The following NUCB2 variants were observed in gnomAD, a reference collection of about 807,000 sequenced individuals.
NUCB2 encodes the protein nucleobindin-2.
In NUCB2, 48 loss-of-function variants were observed where a neutral mutation model predicts 57.9. The ratio of observed to expected loss-of-function variants is 0.83; its 90% CI spans 0.66 to 1.05. The LOEUF is 1.05. NUCB2 is among the 50% of genes least tolerant of loss of function. NUCB2 has a pLI of 0.00. For missense variants in NUCB2, 442 were observed against 476.2 expected (o/e 0.93, Z 0.67); for synonymous variants, 139 against 152.1 (o/e 0.91, Z 0.64).
rs191266132 is a variant in NUCB2, at chr11:17,279,442, C to T, written c.-156+2614C>T. 4.6e-5 allele frequency among the ~76,000 whole-genome samples: 7 copies of T among 152,226 alleles called. No homozygotes were observed. The East Asian group carries it at 1.4e-3, about 29-fold the overall frequency. On this transcript the variant is annotated intron_variant, in intron 1 of 13. Coordinates refer to ENST00000529010, the MANE Select transcript of NUCB2 (RefSeq NM_005013.4). ...AGGGCTGAATTAGATTACAGTAGTC[C>T]TCCTTTATCCTAGAGGGATATGTTC...
chr11:17,322,084 GC>G (rs1211941967), intron 11 of NUCB2, among the ~76,000 whole-genome samples: 1 of 152,078 alleles, frequency 6.6e-6, no homozygotes, highest in Non-Finnish European at 1.5e-5. Flanking sequence ...CTCTGCAGAA[GC>G]TTTTTTACTT....
chr11:17,310,844 A>C lies in NUCB2; in HGVS notation c.503A>C (p.His168Pro), dbSNP rs1221568873. The C allele has an allele frequency of 6.3e-7, 1 of 1,585,602 alleles. No individual in the cohort carries two copies. Among genetic ancestry groups the C allele is most frequent in the Non-Finnish European group, 8.5e-7 (1 of 1,172,958 alleles). ...LIKAATSDLE[H>P]YDKTRHEEFK... ...TTTCAGGCAACAAGTGATCTGGAAC[A>C]CTATGACAAGACTCGTCATGAAGAA... The change falls in exon 7 of 14, where the codon CAC becomes CCC. Residue 168 changes from histidine (H) to proline (P), a missense_variant. His to Pro is a moderately conservative substitution (Grantham distance 77). Coordinates refer to ENST00000529010, the MANE Select transcript of NUCB2 (RefSeq NM_005013.4).
At chr11:17,345,521 A>G (rs1175375569) in intron 2 of NUCB2, among the ~76,000 whole-genome samples, 1 of 152,208 alleles carries the variant, frequency 6.6e-6, no homozygotes, top group African/African-American at 2.4e-5. Context: ...AGCCTGGCCA[A>G]GATGGTGAAA....
intron 11 of NUCB2, among the ~76,000 whole-genome samples, chr11:17,323,911 G>T (rs1385595466): frequency 1.3e-5 from 2 of 152,092 alleles, no homozygotes; most frequent in Non-Finnish European, 2.9e-5. Context: ...AGTACCAGTT[G>T]TAATGTCTCC....
intron 4 of NUCB2, among the ~76,000 whole-genome samples, chr11:17,298,076 C>T (rs1420906133): frequency 2.1e-4 from 22 of 103,090 alleles, no homozygotes; most frequent in African/African-American, 7.2e-4. Flanking sequence ...AGTGAGACTT[C>T]GTCTCAAAAA....
chr11:17,327,272 G>T (rs1950806282), intron 11 of NUCB2, among the ~76,000 whole-genome samples: 1 of 152,096 alleles, frequency 6.6e-6, no homozygotes, highest in African/African-American at 2.4e-5. Context: ...CGTTGGCCAG[G>T]CTGGTCTTGA....
chr11:17,303,017 C>T (rs1024124545), intron 5 of NUCB2, among the ~76,000 whole-genome samples: 1 of 152,114 alleles, frequency 6.6e-6, no homozygotes, highest in Non-Finnish European at 1.5e-5. Context: ...GGATTACAGG[C>T]GTGAGCCACC....
intron 11 of NUCB2, among the ~76,000 whole-genome samples, chr11:17,326,502 A>G (rs1950706250): frequency 1.3e-5 from 2 of 149,504 alleles, no homozygotes; most frequent in South Asian, 4.2e-4. Context: ...TATTTTTAAT[A>G]GAGACAGGGT....
intron 5 of NUCB2, among the ~76,000 whole-genome samples, chr11:17,303,327 C>T (rs1338655792): frequency 6.6e-6 from 1 of 151,880 alleles, no homozygotes; most frequent in Non-Finnish European, 1.5e-5. Context: ...TATTATGTCT[C>T]CAAAGAATAC....
At chr11:17,279,671 C>T (rs1942125067) in intron 1 of NUCB2, among the ~76,000 whole-genome samples, 1 of 152,044 alleles carries the variant, frequency 6.6e-6, no homozygotes, top group Non-Finnish European at 1.5e-5. Flanking sequence ...GGGAGGACTA[C>T]TGTACCTCCA....
At chr11:17,305,188 G>T (rs1947420123) in intron 5 of NUCB2, among the ~76,000 whole-genome samples, 1 of 152,156 alleles carries the variant, frequency 6.6e-6, no homozygotes, top group South Asian at 2.1e-4. Flanking sequence ...GCTGGGCATG[G>T]TAGCACATGC....
intron 2 of NUCB2, among the ~76,000 whole-genome samples, chr11:17,341,512 G>C (rs2139621716): frequency 6.6e-6 from 1 of 152,208 alleles, no homozygotes; most frequent in South Asian, 2.1e-4. Context: ...TTTATTGAGA[G>C]TTTTTAGCAT....
rs374427197 is a variant in NUCB2 at position 17,311,190 on chromosome 11, C to G, written c.670-3C>G. 1 of 1,594,026 alleles carries G rather than the reference C, an allele frequency of 6.3e-7. No individual in the cohort carries two copies. The highest frequency in any genetic ancestry group is 8.5e-7 in the Non-Finnish European group (1 of 1,173,662). On this transcript the variant is annotated splice_polypyrimidine_tract_variant and splice_region_variant and intron_variant, in intron 7 of 13. Transcript: ENST00000529010. ...TGAGCAATTTTTTAAAATTGGTTCA[C>G]AGGGAAGCAAAGATCAACTAAAAGA...
At chr11:17,284,629 C>G (rs1253281872) in intron 2 of NUCB2, among the ~76,000 whole-genome samples, 1 of 152,094 alleles carries the variant, frequency 6.6e-6, no homozygotes, top group Non-Finnish European at 1.5e-5. Flanking sequence ...GCTAGTATTG[C>G]AGTTTCCTTT....
Position 17,296,206 on chromosome 11 carries a change from A to T in NUCB2, c.247A>T (p.Ile83Leu). 1.3e-6 allele frequency: 2 copies of T among 1,582,454 alleles called. No individual in the cohort carries two copies. The highest frequency in any genetic ancestry group is 1.7e-6 in the Non-Finnish European group (2 of 1,154,536). Residue 83 changes from isoleucine to leucine, a missense_variant, in exon 4 of 14, where the codon ATA becomes TTA. By Grantham distance (5) the Ile-to-Leu change is conservative. Coordinates refer to ENST00000529010, the MANE Select transcript of NUCB2 (RefSeq NM_005013.4). ...EKLQKADIEEIKSGRLSKELD... is the reference protein window; with the variant it reads ...EKLQKADIEELKSGRLSKELD... Reference sequence around the variant, plus strand: ...GCTCCAGAAAGCAGACATAGAGGAAATAAAGGTAAATGCAATTCAATAATA... The same window carrying T: ...GCTCCAGAAAGCAGACATAGAGGAATTAAAGGTAAATGCAATTCAATAATA...
chr11:17,309,349 A>T (rs1948150346), intron 5 of NUCB2, among the ~76,000 whole-genome samples: 2 of 152,106 alleles, frequency 1.3e-5, no homozygotes, highest in African/African-American at 4.8e-5. Flanking sequence ...AATTTTTAAA[A>T]ATATACATGT....
chr11:17,315,478 A>G lies in NUCB2; in HGVS notation c.1002+3A>G, dbSNP rs774604795. 1 of 1,578,978 alleles carries G rather than the reference A, an allele frequency of 6.3e-7. No homozygotes were observed. Among genetic ancestry groups the G allele is most frequent in the Non-Finnish European group, 8.7e-7 (1 of 1,149,080 alleles). On this transcript the variant is annotated splice_donor_region_variant and intron_variant, in intron 11 of 13. Coordinates refer to ENST00000529010, the MANE Select transcript of NUCB2 (RefSeq NM_005013.4). ...TCTTGGAGCCAGATAGCTGGGAGGT[A>G]ATAGAACCTACTCTAAATGAGATGT...
At chr11:17,347,561 T>A (rs1952844192) in intron 2 of NUCB2, among the ~76,000 whole-genome samples, 3 of 152,174 alleles carry the variant, frequency 2.0e-5, no homozygotes, top group South Asian at 4.1e-4. Flanking sequence ...ATCATAACCA[T>A]CATATAATTA....
chr11:17,284,885 T>C (rs908617984), intron 2 of NUCB2, among the ~76,000 whole-genome samples: 8 of 152,116 alleles, frequency 5.3e-5, no homozygotes, highest in Non-Finnish European at 1.0e-4. Context: ...CCTCACTAGA[T>C]TGAAGCCCTG....
Sources: allele counts gnomAD v4.1 joint callset (sites outside exome capture counted in the v4.1 genomes callset), GRCh38; gene constraint gnomAD v4.1.1; transcripts MANE v1.5; gene names NCBI Gene and HGNC (gene_info 2026-07-23, HGNC 2026-07-21).